TNRC6A: variants seen among roughly 807,000 people sequenced by gnomAD.
TNRC6A encodes trinucleotide repeat containing adaptor 6A.
Under a neutral mutation model 221.2 loss-of-function variants are expected in TNRC6A, and 44 were observed. The ratio of observed to expected loss-of-function variants is 0.20; its 90% confidence interval spans 0.16 to 0.26. TNRC6A has a LOEUF of 0.26. Ranked by LOEUF, TNRC6A falls within the 10% of genes least tolerant of loss-of-function variation. TNRC6A has a pLI of 1.00. For missense variants in TNRC6A, 2,199 were observed against 2,404.4 expected, an observed-to-expected ratio of 0.91 and a Z score of 1.79; for synonymous variants, 847 against 838.5, an observed-to-expected ratio of 1.01 and a Z score of -0.18.
At chr16:24,780,830 A>G (rs1163407424) in intron 5 of TNRC6A, among the ~76,000 whole-genome samples, 1 of 152,030 alleles carries the variant, frequency 6.6e-6, no homozygotes, top group Non-Finnish European at 1.5e-5. Context: ...TTTTAACCAA[A>G]AGTGTTAACA....
chr16:24,704,529 G>T (rs985811729), intron 2 of TNRC6A, among the ~76,000 whole-genome samples: 1 of 151,600 alleles, frequency 6.6e-6, no homozygotes, highest in Non-Finnish European at 1.5e-5. Context: ...GCTGGGTGTG[G>T]TGGCACACAC....
intron 2 of TNRC6A, among the ~76,000 whole-genome samples, chr16:24,668,705 T>G (rs758054483): frequency 6.6e-6 from 1 of 152,212 alleles, no homozygotes; most frequent in Non-Finnish European, 1.5e-5. Flanking sequence ...TTATTCACCC[T>G]TAATTAAGGC....
chr16:24,667,887 T>C (rs2141972429), intron 2 of TNRC6A, among the ~76,000 whole-genome samples: 1 of 151,324 alleles, frequency 6.6e-6, no homozygotes, highest in South Asian at 2.1e-4. Context: ...TAGCTGGGCG[T>C]GATGGCACAT....
intron 1 of TNRC6A, among the ~76,000 whole-genome samples, chr16:24,622,336 C>T (rs1185768062): frequency 1.3e-5 from 2 of 152,154 alleles, no homozygotes; most frequent in Admixed American, 6.6e-5. Flanking sequence ...TGCTGTGGCT[C>T]ACACCTGTAA....
At chr16:24,702,069 T>C (rs1391971715) in intron 2 of TNRC6A, among the ~76,000 whole-genome samples, 1 of 151,236 alleles carries the variant, frequency 6.6e-6, no homozygotes, top group Non-Finnish European at 1.5e-5. Context: ...TCTTTCACAT[T>C]TCACATGTAA....
chr16:24,655,171 G>C (rs2054883723), intron 2 of TNRC6A, among the ~76,000 whole-genome samples: 1 of 152,110 alleles, frequency 6.6e-6, no homozygotes, highest in Non-Finnish European at 1.5e-5. Context: ...CTGAGCCCAG[G>C]AGGTAGAGGC....
intron 2 of TNRC6A, among the ~76,000 whole-genome samples, chr16:24,677,405 C>T (rs558902349): frequency 3.4e-4 from 52 of 152,220 alleles, no homozygotes; most frequent in Non-Finnish European, 5.3e-4. Flanking sequence ...TCAAGTGATC[C>T]GCCCACCTTG....
chr16:24,701,596 C>A (rs1165158194), intron 2 of TNRC6A, among the ~76,000 whole-genome samples: 1 of 152,040 alleles, frequency 6.6e-6, no homozygotes, highest in Non-Finnish European at 1.5e-5. Flanking sequence ...GAACTCCTGA[C>A]CTCAGGCGAT....
At chr16:24,696,947 C>T (rs6497752) in intron 2 of TNRC6A, among the ~76,000 whole-genome samples, 86,684 of 151,652 alleles carry the variant, frequency 0.57, 26,248 homozygotes, top group East Asian at 0.8. Flanking sequence ...CACAGAGACA[C>T]GAGAACTGAT....
At chr16:24,815,391 A>T in intron 19 of TNRC6A, 86 bp downstream of exon 19, 1 of 1,487,768 alleles carries the variant, frequency 6.7e-7, no homozygotes, top group Non-Finnish European at 9.2e-7. Flanking sequence ...GATGTAGCCC[A>T]GATCGGCGTG....
At chr16:24,615,107 G>A (rs1030813253) in intron 1 of TNRC6A, among the ~76,000 whole-genome samples, 1 of 152,076 alleles carries the variant, frequency 6.6e-6, no homozygotes, top group African/African-American at 2.4e-5. Context: ...TAATTGCAGG[G>A]GAGATGGAAA....
chr16:24,687,843 G>A (rs77651565), intron 2 of TNRC6A, among the ~76,000 whole-genome samples: 22 of 101,898 alleles, frequency 2.2e-4, no homozygotes, highest in East Asian at 2.8e-4. Flanking sequence ...AAGAGGAAGA[G>A]GAAGAAGAAG....
At chr16:24,751,510 TTTAA>T (rs1341226386) in intron 3 of TNRC6A, among the ~76,000 whole-genome samples, 1 of 152,166 alleles carries the variant, frequency 6.6e-6, no homozygotes, top group African/African-American at 2.4e-5. Context: ...AAATTTTCCA[TTTAA>T]TTGTTACATA....
chr16:24,776,600 A>C lies in TNRC6A; in HGVS notation c.164-333A>C, dbSNP rs73551519. 1,764 of 985,414 alleles carry C rather than the reference A, an allele frequency of 1.8e-3. 19 individuals are homozygous for C. The African/African-American group carries it at 0.026, about 15-fold the overall frequency. 61.0% of individuals were successfully genotyped at this position (985,414 alleles called of 1,614,324 possible). The stretch of plus-strand genomic sequence containing the variant: ...ATTGGTTGGCCACATTTGTTCTTTG[A>C]GTCATTGCGAGTTCCCTGGTTTTGT... On this transcript the variant is annotated intron_variant, in intron 4 of 24. Transcript: ENST00000395799.
intron 5 of TNRC6A, among the ~76,000 whole-genome samples, chr16:24,782,916 G>A (rs148550894): frequency 1.2e-4 from 19 of 152,206 alleles, no homozygotes; most frequent in South Asian, 2.1e-4. Flanking sequence ...AGGTTCTCTC[G>A]TATTCCCAAT....
At chr16:24,662,032 A>G (rs1462529733) in intron 2 of TNRC6A, 1 of 152,144 alleles carries the variant, frequency 6.6e-6, no homozygotes, top group Non-Finnish European at 1.5e-5. Flanking sequence ...CTGCACTCCA[A>G]CCTGGGCAAT....
chr16:24,727,940 A>T (rs1213117452), upstream of TNRC6A, among the ~76,000 whole-genome samples: 1 of 152,090 alleles, frequency 6.6e-6, no homozygotes, highest in African/African-American at 2.4e-5. Context: ...TTTTTTCAAA[A>T]AAGTGTTTTT....
chr16:24,611,032 C>T (rs1463220674), intron 1 of TNRC6A, among the ~76,000 whole-genome samples: 2 of 151,968 alleles, frequency 1.3e-5, no homozygotes, highest in East Asian at 1.9e-4. Flanking sequence ...AGGCTGGTTT[C>T]GAACTCCTGA....
intron 2 of TNRC6A, among the ~76,000 whole-genome samples, chr16:24,642,237 A>G (rs1301862861): frequency 6.6e-6 from 1 of 152,092 alleles, no homozygotes; most frequent in Non-Finnish European, 1.5e-5. Context: ...AGGTCATCAG[A>G]CTCCAAGAAA....
Sources: allele counts gnomAD v4.1 joint callset (sites outside exome capture counted in the v4.1 genomes callset), GRCh38; gene constraint gnomAD v4.1.1; transcripts MANE v1.5; gene names NCBI Gene and HGNC (gene_info 2026-07-23, HGNC 2026-07-21).